The following LRP1B variants were observed in gnomAD, a reference collection of about 807,000 sequenced individuals.
LRP1B encodes LDL receptor related protein 1B, also known as low-density lipoprotein receptor-related protein 1B.
Under a neutral mutation model 556.6 loss-of-function variants are expected in LRP1B, and 217 were observed. The observed-to-expected ratio is 0.39, with a 90% CI of 0.35 to 0.44. The LOEUF (loss-of-function observed/expected upper bound fraction) is 0.44. Ranked by LOEUF, LRP1B falls within the 20% of genes least tolerant of loss-of-function variation. The pLI, the probability that LRP1B is intolerant of heterozygous loss-of-function variation, is 1.00. For synonymous variants in LRP1B, 2,047 were observed against 1,865.8 expected, an observed-to-expected ratio of 1.10 and a Z score of -2.50; for missense variants, 5,053 against 5,620.8, an observed-to-expected ratio of 0.90 and a Z score of 3.23.
intron 1 of LRP1B, among the ~76,000 whole-genome samples, chr2:141,976,137 C>T (rs1701879991): frequency 6.6e-6 from 1 of 151,720 alleles, no homozygotes. Context: ...TTTTTCTGCT[C>T]AATAGTTCTT....
At chr2:141,377,566 C>G (rs1239144650) in intron 3 of LRP1B, among the ~76,000 whole-genome samples, 1 of 152,018 alleles carries the variant, frequency 6.6e-6, no homozygotes, top group Non-Finnish European at 1.5e-5. Flanking sequence ...ATCTTCTTAA[C>G]TAGTTCAAAA....
intron 1 of LRP1B, among the ~76,000 whole-genome samples, chr2:142,105,539 C>T (rs1449074325): frequency 1.3e-5 from 2 of 151,546 alleles, no homozygotes; most frequent in East Asian, 2.0e-4. Flanking sequence ...GAATTTTCTG[C>T]TTATGGTTGA....
intron 6 of LRP1B, among the ~76,000 whole-genome samples, chr2:141,228,295 T>C (rs1683321739): frequency 1.3e-5 from 2 of 152,206 alleles, no homozygotes. Flanking sequence ...ATGTTAAAAT[T>C]ATCATTCTTA....
chr2:141,424,151 T>C (rs1341328179), intron 3 of LRP1B, among the ~76,000 whole-genome samples: 1 of 151,078 alleles, frequency 6.6e-6, no homozygotes, highest in Non-Finnish European at 1.5e-5. Flanking sequence ...GTCACTCTTG[T>C]TGCCTGGGCT....
intron 2 of LRP1B, among the ~76,000 whole-genome samples, chr2:141,719,995 A>T (rs1692758060): frequency 6.6e-6 from 1 of 152,116 alleles, no homozygotes; most frequent in East Asian, 1.9e-4. Context: ...TTGCATCTAA[A>T]ATAAAAGTTG....
rs548244644 is a variant in LRP1B at position 141,421,110 on chromosome 2, A to T, written c.343+59286T>A. Among the ~76,000 whole-genome samples the T allele has an allele frequency of 6.2e-4, 94 of 152,344 alleles. 1 individual carries two copies. The highest frequency in any genetic ancestry group is 1.9e-3 in the African/African-American group (78 of 41,586). On this transcript the variant is annotated intron_variant, in intron 3 of 90. Transcript: ENST00000389484. ...GCATTTCGTAATGGTACTTTGGTTC[A>T]TACACTGTTGTTAAAGTGATGTTTT...
chr2:140,891,210 T>C (rs72990112), intron 23 of LRP1B, among the ~76,000 whole-genome samples: 3,230 of 152,234 alleles, frequency 0.021, 112 homozygotes, highest in African/African-American at 0.073. Flanking sequence ...AAGAAGCTTT[T>C]AGAAAACACT....
At chr2:140,858,109 T>C (rs1481332995) in intron 27 of LRP1B, among the ~76,000 whole-genome samples, 3 of 152,164 alleles carry the variant, frequency 2.0e-5, no homozygotes, top group Admixed American at 6.5e-5. Context: ...TGTTATGACT[T>C]GGAGTACTGT....
intron 41 of LRP1B, among the ~76,000 whole-genome samples, chr2:140,621,708 T>A (rs1438062552): frequency 6.6e-6 from 1 of 152,188 alleles, no homozygotes; most frequent in Non-Finnish European, 1.5e-5. Context: ...TGATTAAATA[T>A]CTACACAACA....
intron 2 of LRP1B, among the ~76,000 whole-genome samples, chr2:141,661,801 C>A (rs1249999315): frequency 3.9e-5 from 6 of 152,064 alleles, no homozygotes; most frequent in African/African-American, 1.2e-4. Flanking sequence ...GCAAGACAGG[C>A]CAACATTCAA....
At chr2:140,903,302 AT>A in intron 22 of LRP1B, 137 bp from the exon 23 acceptor site, 2 of 977,162 alleles carry the variant, frequency 2.0e-6, no homozygotes, top group Non-Finnish European at 2.9e-6. Context: ...TCTTTGGCTT[AT>A]TTTTGCTTCA....
chr2:141,860,632 G>A (rs933830285), intron 1 of LRP1B, among the ~76,000 whole-genome samples: 3 of 151,916 alleles, frequency 2.0e-5, no homozygotes, highest in Admixed American at 6.6e-5. Context: ...TATTCTTGAC[G>A]TTCATGAATA....
chr2:140,553,229 A>G (rs1008140209), intron 43 of LRP1B, among the ~76,000 whole-genome samples: 2 of 152,056 alleles, frequency 1.3e-5, no homozygotes, highest in Non-Finnish European at 2.9e-5. Flanking sequence ...AATGTGGTAA[A>G]TCAGTAACTT....
intron 1 of LRP1B, among the ~76,000 whole-genome samples, chr2:142,072,983 C>T (rs1705375876): frequency 1.3e-5 from 2 of 151,998 alleles, no homozygotes; most frequent in Non-Finnish European, 2.9e-5. Flanking sequence ...AAATTCTCTG[C>T]AATGTTATTC....
At chr2:140,853,193 T>A (rs1349488328) in intron 27 of LRP1B, among the ~76,000 whole-genome samples, 1 of 151,984 alleles carries the variant, frequency 6.6e-6, no homozygotes, top group African/African-American at 2.4e-5. Flanking sequence ...GGTCACAAAC[T>A]CTCATGTAGA....
At chr2:140,408,533 G>A (rs549709798) in intron 66 of LRP1B, among the ~76,000 whole-genome samples, 7 of 151,894 alleles carry the variant, frequency 4.6e-5, no homozygotes, top group African/African-American at 1.7e-4. Context: ...AGGGTAAGAA[G>A]TGCTAAAAAG....
intron 1 of LRP1B, among the ~76,000 whole-genome samples, chr2:142,065,457 A>G (rs1559051370): frequency 6.6e-6 from 1 of 150,804 alleles, no homozygotes; most frequent in Non-Finnish European, 1.5e-5. Flanking sequence ...AGATTGCCAC[A>G]TCTCCCTCTG....
At position 142,130,898 on chromosome 2, in the gene LRP1B, T is replaced by C; in HGVS notation, c.-169A>G. ...TGAGTCCAGCCAGTCAGCCTTCTCC[T>C]GCCTGGAGCAGGATGTGGAAGGTGG... On this transcript the variant is annotated 5_prime_UTR_variant, in exon 1 of 91. Coordinates refer to ENST00000389484, the MANE Select transcript of LRP1B (RefSeq NM_018557.3). The C allele has an allele frequency of 3.0e-6, 2 of 668,910 alleles. No individual in the cohort carries two copies. Among genetic ancestry groups the C allele is most frequent in the Non-Finnish European group, 5.4e-6 (2 of 369,984 alleles). The allele number at this position is 668,910 out of a possible 1,614,324, so 41.4% of individuals were successfully genotyped here. A position where few individuals can be genotyped will look rare whatever the true frequency, so the allele number is the denominator to read the frequency against.
chr2:140,629,542 G>A (rs1019370377), intron 41 of LRP1B, among the ~76,000 whole-genome samples: 4 of 152,144 alleles, frequency 2.6e-5, no homozygotes, highest in African/African-American at 7.2e-5. Flanking sequence ...TAAACTGCCT[G>A]AGTCCAGTAC....
Sources: allele counts gnomAD v4.1 joint callset (sites outside exome capture counted in the v4.1 genomes callset), GRCh38; gene constraint gnomAD v4.1.1; transcripts MANE v1.5; gene names NCBI Gene and HGNC (gene_info 2026-07-23, HGNC 2026-07-21).